The following XKR3 variants were observed in gnomAD, a reference collection of about 807,000 sequenced individuals.
XKR3 encodes the protein XK-related protein 3.
XKR3 carries 27 observed loss-of-function variants against 40.3 expected under a neutral mutation model. The observed-to-expected ratio is 0.67, with a 90% CI of 0.49 to 0.92. XKR3 has a LOEUF of 0.92. Ranked by LOEUF, XKR3 falls within the 40% of genes least tolerant of loss-of-function variation. The pLI is 0.00. For missense variants in XKR3, 472 were observed against 537.6 expected, an observed-to-expected ratio of 0.88 and a Z score of 1.21; for synonymous variants, 193 against 195.4, an observed-to-expected ratio of 0.99 and a Z score of 0.10.
At chr22:16,797,068 A>T (rs1601842708) in intron 3 of XKR3, among the ~76,000 whole-genome samples, 1 of 152,230 alleles carries the variant, frequency 6.6e-6, no homozygotes, top group African/African-American at 2.4e-5. Flanking sequence ...AGGCAATGGG[A>T]AAAGGATTCC....
chr22:16,807,572 C>T (rs575408325), intron 2 of XKR3, among the ~76,000 whole-genome samples, 167 bp downstream of exon 2: 1 of 152,168 alleles, frequency 6.6e-6, no homozygotes, highest in Non-Finnish European at 1.5e-5. Flanking sequence ...TAACTGATGA[C>T]AATTAAATAG....
In XKR3 at chr22:16,808,047, A is replaced by T; in HGVS notation, c.27T>A (p.Asp9Glu). 1 of 1,610,400 alleles carries T rather than the reference A, an allele frequency of 6.2e-7. No homozygotes were observed. The highest frequency in any genetic ancestry group is 8.5e-7 in the Non-Finnish European group (1 of 1,178,568). METVFEEM[D>E]EESTGGVSSS... The stretch of plus-strand genomic sequence containing the variant: ...ATGAAACTCCTCCTGTGCTTTCTTC[A>T]TCCATCTCTTCAAACACTGTCTCCA... Residue 9 changes from aspartate to glutamate, a missense_variant, in exon 2 of 4, where the codon GAT (aspartate) becomes GAA (glutamate). Transcript: ENST00000684488.
At chr22:16,791,796 AG>A (rs2060119147) in intron 3 of XKR3, among the ~76,000 whole-genome samples, 15 of 109,370 alleles carry the variant, frequency 1.4e-4, no homozygotes, top group East Asian at 9.3e-4. Flanking sequence ...AGAGAGAGAG[AG>A]AGAGAGAGAG....
intron 3 of XKR3, among the ~76,000 whole-genome samples, chr22:16,797,131 A>T (rs2060144627): frequency 6.6e-6 from 1 of 152,228 alleles, no homozygotes; most frequent in South Asian, 2.1e-4. Flanking sequence ...AGAAGAATTA[A>T]ACTGAACTCC....
chr22:16,816,583 T>TC, intron 1 of XKR3, among the ~76,000 whole-genome samples: 1 of 151,898 alleles, frequency 6.6e-6, no homozygotes, highest in African/African-American at 2.4e-5. Flanking sequence ...TGCTAAAAAA[T>TC]AAAAATAATA....
chr22:16,808,508 C>A (rs2146169415), intron 1 of XKR3, among the ~76,000 whole-genome samples: 1 of 152,306 alleles, frequency 6.6e-6, no homozygotes, highest in South Asian at 2.1e-4. Context: ...AGAAAACTAT[C>A]CCCAGATATT....
At chr22:16,793,328 G>T (rs1238432768) in intron 3 of XKR3, among the ~76,000 whole-genome samples, 7 of 152,146 alleles carry the variant, frequency 4.6e-5, no homozygotes, top group Non-Finnish European at 8.8e-5. Context: ...ACTATTTTTT[G>T]AATTTGACAT....
At chr22:16,801,041 G>A (rs738045) in intron 2 of XKR3, among the ~76,000 whole-genome samples, 44,369 of 151,858 alleles carry the variant, frequency 0.29, 6,615 homozygotes, top group East Asian at 0.39. Context: ...AGAGAGAAAG[G>A]AGCATCTAAT....
intron 1 of XKR3, among the ~76,000 whole-genome samples, chr22:16,813,239 G>A (rs961993204): frequency 2.6e-5 from 4 of 151,752 alleles, no homozygotes; most frequent in African/African-American, 9.7e-5. Context: ...AGCCAAGATT[G>A]CACCACTGCA....
intron 3 of XKR3, among the ~76,000 whole-genome samples, chr22:16,786,603 A>G (rs2060091911): frequency 6.6e-6 from 1 of 152,254 alleles, no homozygotes; most frequent in Non-Finnish European, 1.5e-5. Context: ...ACTGTGGGCT[A>G]CAGGTGCAAC....
chr22:16,820,888 G>C (rs1327661378), intron 1 of XKR3, among the ~76,000 whole-genome samples: 1 of 152,176 alleles, frequency 6.6e-6, no homozygotes, highest in South Asian at 2.1e-4. Context: ...ACTGTTTCAC[G>C]ATCTCTTGTA....
chr22:16,793,314 C>T lies in XKR3; in HGVS notation c.589+6457G>A, dbSNP rs1224045081. ...GGCGTGAGCCACTGCCCCTGGCCCTCGTGACTATTTTTTGAATTTGACATG... is the reference window on the plus strand; with the variant it reads ...GGCGTGAGCCACTGCCCCTGGCCCTTGTGACTATTTTTTGAATTTGACATG... On this transcript the variant is annotated intron_variant, in intron 3 of 3. Transcript: ENST00000684488. 3.3e-5 allele frequency among the ~76,000 whole-genome samples: 5 copies of T among 152,176 alleles called. No individual in the cohort carries two copies. In the East Asian group the frequency reaches 5.8e-4, roughly 18 times the overall value.
intron 1 of XKR3, among the ~76,000 whole-genome samples, chr22:16,809,599 A>G (rs556134921): frequency 1.3e-5 from 2 of 152,310 alleles, no homozygotes; most frequent in African/African-American, 4.8e-5. Context: ...TAAATGTAAT[A>G]TGTTACCTTA....
At chr22:16,824,685 G>A (rs1664152087) in intron 1 of XKR3, among the ~76,000 whole-genome samples, 1 of 152,066 alleles carries the variant, frequency 6.6e-6, no homozygotes, top group South Asian at 2.1e-4. Flanking sequence ...TCTCTCCCCA[G>A]CAATCCATAC....
intron 3 of XKR3, among the ~76,000 whole-genome samples, chr22:16,789,792 C>T (rs1276668323): frequency 6.6e-6 from 1 of 152,172 alleles, no homozygotes; most frequent in Non-Finnish European, 1.5e-5. Context: ...TAAACCAATG[C>T]AACTGAGTAT....
intron 1 of XKR3, among the ~76,000 whole-genome samples, chr22:16,809,229 C>G (rs2060202962): frequency 6.6e-6 from 1 of 152,078 alleles, no homozygotes; most frequent in African/African-American, 2.4e-5. Context: ...TGATCTAAAT[C>G]ACACCTTTAT....
At chr22:16,812,923 G>C (rs762366720) in intron 1 of XKR3, among the ~76,000 whole-genome samples, 1 of 152,138 alleles carries the variant, frequency 6.6e-6, no homozygotes, top group East Asian at 1.9e-4. Context: ...ATATGAGGCT[G>C]TTCGTGACTT....
chr22:16,795,360 A>C (rs1433472829), intron 3 of XKR3, among the ~76,000 whole-genome samples: 3 of 152,222 alleles, frequency 2.0e-5, no homozygotes, highest in Non-Finnish European at 4.4e-5. Context: ...GAAATAAATG[A>C]AAATAGGAAA....
intron 3 of XKR3, among the ~76,000 whole-genome samples, chr22:16,789,078 A>G (rs903022149): frequency 1.1e-4 from 16 of 152,210 alleles, no homozygotes; most frequent in African/African-American, 3.9e-4. Flanking sequence ...GTGGGAGTTC[A>G]AAGTTGAAAG....
Sources: gnomAD v4.1 joint callset for allele counts (sites outside exome capture counted in the v4.1 genomes callset) on GRCh38, gnomAD v4.1.1 for gene constraint, MANE v1.5 for transcripts, NCBI Gene and HGNC (gene_info 2026-07-23, HGNC 2026-07-21) for gene names.